The following USF3 variants were observed in gnomAD, a reference collection of about 807,000 sequenced individuals.
USF3 encodes upstream transcription factor family member 3.
A neutral mutation model predicts 157.5 loss-of-function variants in USF3; 29 were observed. That is an observed-to-expected ratio of 0.18 (90% CI 0.14 to 0.25). The LOEUF (loss-of-function observed/expected upper bound fraction) is 0.25, where lower values mean the gene tolerates loss of function less well. Among genes scored for constraint, USF3 ranks in the 10% least tolerant of loss-of-function variants. The probability of loss-of-function intolerance (pLI) is 1.00; values close to 1 mark genes in which losing one functional copy is unlikely to be tolerated. For synonymous variants in USF3, 893 were observed against 941.4 expected, an observed-to-expected ratio of 0.95 and a Z score of 0.94; for missense variants, 2,381 against 2,667.6, an observed-to-expected ratio of 0.89 and a Z score of 2.37.
chr3:113,694,914 A>C (rs923818168), intron 1 of USF3, among the ~76,000 whole-genome samples: 59 of 152,152 alleles, frequency 3.9e-4, no homozygotes, highest in African/African-American at 1.4e-3. Context: ...GGCTGGTGGC[A>C]TGCACCTGTA....
At chr3:113,685,365 G>A (rs1475557982) in intron 1 of USF3, among the ~76,000 whole-genome samples, 3 of 152,156 alleles carry the variant, frequency 2.0e-5, no homozygotes, top group African/African-American at 7.2e-5. Flanking sequence ...TATCACTGAT[G>A]TTTATTCAAG....
Position 113,659,266 on chromosome 3 carries a change from C to T in USF3, c.2416G>A (p.Ala806Thr). The change falls in exon 7 of 7, where the codon GCA (alanine) becomes ACA (threonine). Residue 806 changes from alanine to threonine, a missense_variant. By Grantham distance (58) the Ala-to-Thr change is moderately conservative. This residue lies in a region of USF3 where 1,435 missense variants were observed against 1,550.9 expected (regional missense o/e 0.93). Coordinates refer to ENST00000316407, the MANE Select transcript of USF3 (RefSeq NM_001009899.4). ...NKKPGGRKHL[A>T]ANKSACPLNS... ...AGGGGACACGCTGACTTGTTTGCTG[C>T]TAAGTGTTTCCTGCCACCTGGCTTC... The T allele has an allele frequency of 6.2e-7, 1 of 1,614,144 alleles. No homozygotes were observed. Among genetic ancestry groups the T allele is most frequent in the Non-Finnish European group, 8.5e-7 (1 of 1,180,010 alleles).
At chr3:113,673,488 A>AT in intron 3 of USF3, 112 bp from the exon 4 acceptor site, 1 of 672,038 alleles carries the variant, frequency 1.5e-6, no homozygotes, top group Admixed American at 2.7e-5. Context: ...TATTTGTTGC[A>AT]GCAATAAGAA....
At chr3:113,684,544 T>C (rs1707505806) in intron 1 of USF3, among the ~76,000 whole-genome samples, 1 of 152,184 alleles carries the variant, frequency 6.6e-6, no homozygotes, top group Non-Finnish European at 1.5e-5. Context: ...TTCATATTTT[T>C]TTTCTTTTGC....
intron 5 of USF3, among the ~76,000 whole-genome samples, chr3:113,665,023 T>C (rs1478598440): frequency 6.6e-6 from 1 of 152,200 alleles, no homozygotes; most frequent in Non-Finnish European, 1.5e-5. Flanking sequence ...ACCCAGTCTA[T>C]GGCATTTTTG....
In USF3 at chr3:113,673,396, T is replaced by C. The variant is rs760447492; in HGVS notation, c.48-20A>G. ...TTCTTTCTGAAACAAAAAGTACAGA[T>C]AAAAGGTAACATGAAAATAATGGGA... is the stretch of plus-strand genomic sequence containing the variant. On this transcript the variant is annotated intron_variant, in intron 3 of 6. Transcript: ENST00000316407. 1.0e-5 allele frequency: 16 copies of C among 1,526,098 alleles called. No individual in the cohort carries two copies. The highest frequency in any genetic ancestry group is 1.4e-5 in the Non-Finnish European group (15 of 1,103,220). The allele number at this position is 1,526,098 out of a possible 1,614,324, so 94.5% of individuals were successfully genotyped here.
chr3:113,659,374 C>T lies in USF3; in HGVS notation c.2308G>A (p.Ala770Thr). The T allele has an allele frequency of 6.2e-7, 1 of 1,614,250 alleles. No homozygotes were observed. Among genetic ancestry groups the T allele is most frequent in the Non-Finnish European group, 8.5e-7 (1 of 1,180,048 alleles). Residue 770 changes from alanine to threonine, a missense_variant, in exon 7 of 7, where the codon GCT (alanine) becomes ACT (threonine). By Grantham distance (58) the Ala-to-Thr change is moderately conservative. Transcript: ENST00000316407. ...PVTTDSSATL[A>T]STYNLVSTSS... ...GTACTCACTAGATTATAAGTACTAGCTAGTGTGGCTGAACTATCTGTTGTC... is the reference window on the plus strand; with the variant it reads ...GTACTCACTAGATTATAAGTACTAGTTAGTGTGGCTGAACTATCTGTTGTC...
In USF3 at chr3:113,650,952, T is replaced by G. The variant is rs1051793650; in HGVS notation, c.*3992A>C. 6.6e-6 allele frequency: 1 copy of G among 151,962 alleles called. No individual in the cohort carries two copies. The highest frequency in any genetic ancestry group is 1.5e-5 in the Non-Finnish European group (1 of 67,976). The allele number at this position is 151,962 out of a possible 1,614,324, so 9.4% of individuals were successfully genotyped here. ...AAAGGTCTTACAATAAAAACAAAAA[T>G]AAATTTCCTGAACCGGTATAAAACA... On this transcript the variant is annotated 3_prime_UTR_variant, in exon 7 of 7. Transcript: ENST00000316407.
chr3:113,661,211 A>C lies in USF3; in HGVS notation c.471T>G (p.Gly157=). ...IIVYSNGNQP[G]GNSQGTAVQG... is the part of the protein sequence containing the mutation. ...GAACAGCTGTTCCCTGGCTGTTTCC[A>C]CCAGGCTGATTCCCGTTGGAATAAA... Residue 157 remains glycine (G), a synonymous_variant, in exon 7 of 7, where the codon GGT becomes GGG. Transcript: ENST00000316407. 3 of 1,614,144 alleles carry C rather than the reference A, an allele frequency of 1.9e-6. No individual in the cohort carries two copies. Among genetic ancestry groups the C allele is most frequent in the Non-Finnish European group, 2.5e-6 (3 of 1,179,998 alleles).
chr3:113,659,867 G>T lies in USF3; in HGVS notation c.1815C>A (p.Pro605=). 5 of 1,614,184 alleles carry T rather than the reference G, an allele frequency of 3.1e-6. No individual in the cohort carries two copies. Among genetic ancestry groups the T allele is most frequent in the Non-Finnish European group, 4.2e-6 (5 of 1,180,034 alleles). ...PAPPPGSVRL[P]INGANTVIGS... ...CTATTACAGTATTGGCTCCATTGAT[G>T]GGGAGTCGAACAGAACCAGGAGGTG... The change falls in exon 7 of 7, where the codon CCC becomes CCA. Residue 605 remains proline, a synonymous_variant. Coordinates refer to ENST00000316407, the MANE Select transcript of USF3 (RefSeq NM_001009899.4).
chr3:113,680,022 A>G (rs536979754), intron 1 of USF3, among the ~76,000 whole-genome samples: 16 of 140,072 alleles, frequency 1.1e-4, no homozygotes, highest in Admixed American at 2.9e-4. Flanking sequence ...ACGTGCATCA[A>G]TGTTCACCAC....
intron 4 of USF3, among the ~76,000 whole-genome samples, chr3:113,671,854 G>C (rs1707160151): frequency 7.4e-6 from 1 of 134,296 alleles, no homozygotes; most frequent in Non-Finnish European, 1.5e-5. Flanking sequence ...CTGCAGTCTT[G>C]ACTTCCCAGG....
At position 113,657,811 on chromosome 3, in the gene USF3, G is replaced by C; in HGVS notation, c.3871C>G (p.Leu1291Val). 6.2e-7 allele frequency: 1 copy of C among 1,614,184 alleles called. No homozygotes were observed. Among genetic ancestry groups the C allele is most frequent in the Non-Finnish European group, 8.5e-7 (1 of 1,180,024 alleles). The stretch of plus-strand genomic sequence containing the variant: ...TGTTCTTGGGAATATTCAGTCATCA[G>C]AGATGGTCCAGGAGGTTGACTGCCA... ...SYGSQPPGPS[L>V]MTEYSQEQLN... is the part of the protein sequence containing the mutation. The change falls in exon 7 of 7, where the codon CTG becomes GTG. Residue 1291 changes from leucine to valine, a missense_variant. By Grantham distance (32) the Leu-to-Val change is conservative. This residue lies in a region of USF3 where 1,435 missense variants were observed against 1,550.9 expected (regional missense o/e 0.93). Coordinates refer to ENST00000316407, the MANE Select transcript of USF3 (RefSeq NM_001009899.4).
chr3:113,680,053 C>CTTTTTTTTTTTTTTTTTTTTTTTTT (rs71131103), intron 1 of USF3, among the ~76,000 whole-genome samples: 3 of 58,638 alleles, frequency 5.1e-5, no homozygotes, highest in African/African-American at 7.1e-5. Context: ...CTGTAGTTTT[C>CTTTTTTTTTTTTTTTTTTTTTTTTT]TTTTTTTTTT....
intron 5 of USF3, among the ~76,000 whole-genome samples, chr3:113,668,677 GA>G (rs1004527339): frequency 6.6e-6 from 1 of 151,548 alleles, no homozygotes; most frequent in Non-Finnish European, 1.5e-5. Context: ...ACAAAAAGGG[GA>G]AAAAAGGAAA....
intron 6 of USF3, among the ~76,000 whole-genome samples, chr3:113,661,905 G>A (rs1461213866): frequency 6.6e-6 from 1 of 152,162 alleles, no homozygotes; most frequent in African/African-American, 2.4e-5. Context: ...GGAGTGCAGT[G>A]GTGCAATCTC....
chr3:113,670,785 C>A (rs943981022), intron 4 of USF3, among the ~76,000 whole-genome samples: 6 of 152,038 alleles, frequency 3.9e-5, no homozygotes, highest in Admixed American at 3.9e-4. Context: ...GAGACAGGGT[C>A]CCCCAGGCTG....
At chr3:113,686,048 C>G (rs1262004985) in intron 1 of USF3, among the ~76,000 whole-genome samples, 2 of 152,272 alleles carry the variant, frequency 1.3e-5, no homozygotes, top group South Asian at 4.1e-4. Flanking sequence ...TGGCTCCAAG[C>G]CCAGTGCAGC....
At chr3:113,691,779 G>A (rs1189183384) in intron 1 of USF3, among the ~76,000 whole-genome samples, 1 of 152,204 alleles carries the variant, frequency 6.6e-6, no homozygotes, top group Non-Finnish European at 1.5e-5. Context: ...TAACCAAAGA[G>A]AAACTGGTCC....
Sources: allele counts gnomAD v4.1 joint callset (sites outside exome capture counted in the v4.1 genomes callset), GRCh38; gene constraint gnomAD v4.1.1; regional missense constraint gnomAD v4.1.1; transcripts MANE v1.5; gene names NCBI Gene and HGNC (gene_info 2026-07-23, HGNC 2026-07-21).